Variants in DGKB observed in about 807,000 individuals in gnomAD.
The protein encoded by DGKB is 90 kDa diacylglycerol kinase.
Under a neutral mutation model 114.3 loss-of-function variants are expected in DGKB, and 67 were observed. The observed-to-expected ratio is 0.59, with a 90% CI of 0.48 to 0.72. The LOEUF is 0.72. Among genes scored for constraint, DGKB ranks in the 30% least tolerant of loss-of-function variants. The pLI is 0.00. For missense variants in DGKB, 907 were observed against 975.2 expected (o/e 0.93, Z 0.93); for synonymous variants, 398 against 323.1 (o/e 1.23, Z -2.49).
Position 14,642,958 on chromosome 7 carries a change from C to G in DGKB, c.1135-12690G>C, listed in dbSNP as rs559947034. ...CTCTTTGGATAATGCTCATGTATGG[C>G]TATATGTTTAAGATTTCCCGACACC... On this transcript the variant is annotated intron_variant, in intron 13 of 25. Coordinates refer to ENST00000402815, the MANE Select transcript of DGKB (RefSeq NM_001350709.2). Among the ~76,000 whole-genome samples the G allele has an allele frequency of 2.6e-5, 4 of 152,210 alleles. No homozygotes were observed. The South Asian group carries it at 8.3e-4, about 32-fold the overall frequency.
chr7:14,651,486 A>G (rs1244039743), intron 13 of DGKB, among the ~76,000 whole-genome samples: 4 of 146,462 alleles, frequency 2.7e-5, no homozygotes, highest in African/African-American at 7.5e-5. Context: ...TTAGGTATTG[A>G]TGGGACGTAT....
At chr7:14,391,737 G>A (rs76412684) in intron 21 of DGKB, among the ~76,000 whole-genome samples, 224 of 152,140 alleles carry the variant, frequency 1.5e-3, no homozygotes, top group African/African-American at 4.9e-3. Flanking sequence ...GCTCTTCTCC[G>A]TCTTTTAGAT....
chr7:14,530,644 T>A (rs1216537800), intron 20 of DGKB, among the ~76,000 whole-genome samples: 2 of 151,488 alleles, frequency 1.3e-5, no homozygotes, highest in African/African-American at 4.8e-5. Context: ...ACCCATTATA[T>A]CGAATTCCTG....
intron 23 of DGKB, among the ~76,000 whole-genome samples, chr7:14,334,564 T>C (rs577174387): frequency 6.6e-6 from 1 of 152,104 alleles, no homozygotes; most frequent in South Asian, 2.1e-4. Flanking sequence ...AGTTTTTTTA[T>C]TGTCCGCAAA....
At chr7:14,666,859 A>G (rs1818118993) in intron 13 of DGKB, among the ~76,000 whole-genome samples, 1 of 152,050 alleles carries the variant, frequency 6.6e-6, no homozygotes, top group Non-Finnish European at 1.5e-5. Context: ...AATTTTAAGT[A>G]ATATAGATTT....
chr7:14,609,632 A>G (rs1212109421), intron 16 of DGKB, among the ~76,000 whole-genome samples: 1 of 152,098 alleles, frequency 6.6e-6, no homozygotes, highest in Admixed American at 6.6e-5. Context: ...CATCCAACAA[A>G]GGTGTAATAT....
chr7:14,723,956 T>C (rs1206564788), intron 5 of DGKB, among the ~76,000 whole-genome samples: 1 of 152,196 alleles, frequency 6.6e-6, no homozygotes, highest in Non-Finnish European at 1.5e-5. Context: ...GGTTCAATTA[T>C]TAGCAGATAA....
At chr7:14,593,018 T>A (rs1372120409) in intron 17 of DGKB, among the ~76,000 whole-genome samples, 6 of 152,032 alleles carry the variant, frequency 3.9e-5, no homozygotes, top group African/African-American at 7.2e-5. Flanking sequence ...GGGATAGTTA[T>A]AAAAAATTAA....
At chr7:14,694,275 T>A in intron 8 of DGKB, 81 bp from the exon 9 acceptor site, 2 of 1,272,284 alleles carry the variant, frequency 1.6e-6, no homozygotes, top group Non-Finnish European at 2.2e-6. Flanking sequence ...AAATTGTGAC[T>A]AACAGCTAAG....
chr7:14,881,035 T>C (rs1854150486), intron 1 of DGKB, among the ~76,000 whole-genome samples: 1 of 152,200 alleles, frequency 6.6e-6, no homozygotes, highest in Admixed American at 6.5e-5. Context: ...ATTTGAATTT[T>C]AATAAGTTAT....
chr7:14,696,522 A>G lies in DGKB; in HGVS notation c.591+1573T>C, dbSNP rs1241198445. Among the ~76,000 whole-genome samples, 318 of 149,122 alleles carry G rather than the reference A, an allele frequency of 2.1e-3. 1 individual carries two copies. The highest frequency in any genetic ancestry group is 3.6e-3 in the Non-Finnish European group (245 of 67,308). On this transcript the variant is annotated intron_variant, in intron 8 of 25. Transcript: ENST00000402815. Reference sequence around the variant, plus strand: ...GTCTCAAAAAAAAAAAAAAAAAAAAAAAAAAAAAAAAGAAACCTGAATGGA... The same window carrying G: ...GTCTCAAAAAAAAAAAAAAAAAAAAGAAAAAAAAAAAGAAACCTGAATGGA...
intron 21 of DGKB, among the ~76,000 whole-genome samples, chr7:14,412,029 T>C (rs1365168475): frequency 6.6e-6 from 1 of 152,190 alleles, no homozygotes; most frequent in African/African-American, 2.4e-5. Context: ...CAATTTTGTT[T>C]ACTTGTGTGG....
chr7:14,933,468 T>C (rs1382649568), intron 1 of DGKB, among the ~76,000 whole-genome samples: 1 of 152,206 alleles, frequency 6.6e-6, no homozygotes, highest in African/African-American at 2.4e-5. Context: ...ACTCTATGTA[T>C]TGAATGAATA....
chr7:14,265,756 T>C (rs546945498), intron 23 of DGKB, among the ~76,000 whole-genome samples: 25 of 152,266 alleles, frequency 1.6e-4, no homozygotes, highest in African/African-American at 5.8e-4. Context: ...ATCTGGCACA[T>C]AGGAGGTTCT....
intron 2 of DGKB, among the ~76,000 whole-genome samples, chr7:14,826,443 T>G (rs960779132): frequency 6.6e-6 from 1 of 152,198 alleles, no homozygotes; most frequent in Admixed American, 6.6e-5. Context: ...TAATTTGAAC[T>G]TAAAGCAGAA....
intron 20 of DGKB, among the ~76,000 whole-genome samples, chr7:14,536,127 C>T (rs781125189): frequency 3.3e-5 from 5 of 152,058 alleles, no homozygotes; most frequent in East Asian, 1.9e-4. Context: ...CTTTAAAGAT[C>T]GGTAATGAAT....
At chr7:14,271,425 T>A (rs1230707110) in intron 23 of DGKB, among the ~76,000 whole-genome samples, 1 of 152,168 alleles carries the variant, frequency 6.6e-6, no homozygotes, top group Non-Finnish European at 1.5e-5. Flanking sequence ...AGCCAATTAG[T>A]CAAACAGTTA....
At chr7:14,582,803 A>G (rs1387496056) in intron 18 of DGKB, among the ~76,000 whole-genome samples, 1 of 152,202 alleles carries the variant, frequency 6.6e-6, no homozygotes, top group East Asian at 1.9e-4. Context: ...CCCTGAAAAC[A>G]ACTCTGAAAA....
At chr7:14,923,981 C>T (rs1238939518) in intron 1 of DGKB, among the ~76,000 whole-genome samples, 1 of 57,402 alleles carries the variant, frequency 1.7e-5, no homozygotes, top group Non-Finnish European at 2.5e-5. Context: ...GAAGCTCCAT[C>T]TCAAAAAAAA....
Sources: allele counts gnomAD v4.1 joint callset (sites outside exome capture counted in the v4.1 genomes callset), GRCh38; gene constraint gnomAD v4.1.1; transcripts MANE v1.5; gene names NCBI Gene and HGNC (gene_info 2026-07-23, HGNC 2026-07-21).